Variants in TNRC6C observed in about 807,000 individuals in gnomAD.
TNRC6C encodes the protein trinucleotide repeat containing adaptor 6C.
Under a neutral mutation model 153.7 loss-of-function variants are expected in TNRC6C, and 20 were observed. That is an observed-to-expected ratio of 0.13 (90% CI 0.09 to 0.19). The LOEUF (loss-of-function observed/expected upper bound fraction) is 0.19, where lower values mean the gene tolerates loss of function less well. Ranked by LOEUF, TNRC6C falls within the 10% of genes least tolerant of loss-of-function variation. The pLI is 1.00. For synonymous variants in TNRC6C, 811 were observed against 841.4 expected (o/e 0.96, Z 0.63); for missense variants, 1,987 against 2,172.0 (o/e 0.91, Z 1.69).
chr17:77,958,398 C>G (rs753118020), upstream of TNRC6C, among the ~76,000 whole-genome samples: 7 of 152,028 alleles, frequency 4.6e-5, no homozygotes, highest in Non-Finnish European at 1.0e-4. Context: ...GTCCCGGCCA[C>G]TCGGAGCGCG....
chr17:78,078,869 G>A (rs1266240738), intron 9 of TNRC6C, among the ~76,000 whole-genome samples: 4 of 152,046 alleles, frequency 2.6e-5, no homozygotes, highest in Admixed American at 2.6e-4. Context: ...GAGGCAGGTG[G>A]ATCACAAGGT....
intron 3 of TNRC6C, among the ~76,000 whole-genome samples, chr17:78,057,714 A>G (rs145430456): frequency 4.4e-4 from 67 of 152,322 alleles, no homozygotes; most frequent in African/African-American, 1.5e-3. Flanking sequence ...CCTATGCTGA[A>G]TTTATAGAAT....
intron 3 of TNRC6C, among the ~76,000 whole-genome samples, chr17:78,051,972 T>C (rs2072546398): frequency 6.6e-6 from 1 of 151,544 alleles, no homozygotes; most frequent in Non-Finnish European, 1.5e-5. Flanking sequence ...AGGTCCAGAG[T>C]AGAGAGATTT....
chr17:78,086,467 T>C, intron 11 of TNRC6C, 36 bp from the exon 14 acceptor site: 2 of 1,585,544 alleles, frequency 1.3e-6, no homozygotes, highest in Non-Finnish European at 1.7e-6. Context: ...TTACACTTAA[T>C]TATCATACTA....
At chr17:78,082,916 C>G (rs2073209165) in intron 10 of TNRC6C, 131 bp from the exon 13 acceptor site, 1 of 1,043,902 alleles carries the variant, frequency 9.6e-7, no homozygotes, top group Non-Finnish European at 1.4e-6. Flanking sequence ...ATCTTTTATT[C>G]CATAGCAGTA....
At chr17:78,072,772 A>G (rs979490338) in intron 6 of TNRC6C, among the ~76,000 whole-genome samples, 2 of 152,252 alleles carry the variant, frequency 1.3e-5, no homozygotes, top group Non-Finnish European at 2.9e-5. Flanking sequence ...TTTTAGGAGT[A>G]CTTACAAGGT....
At chr17:78,089,557 G>A (rs1368627032) in intron 13 of TNRC6C, among the ~76,000 whole-genome samples, 1 of 152,098 alleles carries the variant, frequency 6.6e-6, no homozygotes, top group Non-Finnish European at 1.5e-5. Context: ...AGTAGTGGGG[G>A]CTCCTAGCTA....
chr17:77,959,762 G>T (rs1276044232), intron 1 of TNRC6C, among the ~76,000 whole-genome samples: 1 of 152,118 alleles, frequency 6.6e-6, no homozygotes, highest in East Asian at 1.9e-4. Flanking sequence ...TTTTCTAACG[G>T]TGCTGCGGAC....
At chr17:78,093,667 G>A in exon 16 of TNRC6C, 1 of 1,613,988 alleles carries the variant, frequency 6.2e-7, no homozygotes, top group Non-Finnish European at 8.5e-7. Flanking sequence ...TATTGACCCT[G>A]AGAATGACCC....
At chr17:78,063,714 A>G (rs1428010234) in intron 3 of TNRC6C, among the ~76,000 whole-genome samples, 1 of 152,080 alleles carries the variant, frequency 6.6e-6, no homozygotes, top group Admixed American at 6.5e-5. Flanking sequence ...AACTGTCTGC[A>G]TTTTCCAGTT....
At chr17:77,958,754 GC>G (rs2070833531), upstream of TNRC6C, among the ~76,000 whole-genome samples, 1 of 150,282 alleles carries the variant, frequency 6.7e-6, no homozygotes. Flanking sequence ...CAGCGCGACG[GC>G]CCCGGGAGCC....
Position 78,060,760 on chromosome 17 carries a change from C to T in TNRC6C, c.2396-3962C>T, listed in dbSNP as rs561694049. ...TTGGCCACCTTTTAACTAAAACTTT[C>T]CTCCCAAAAAGGACTGCCCATCACA... On this transcript the variant is annotated intron_variant, in intron 3 of 19. Coordinates refer to ENST00000301624, the Ensembl canonical transcript of TNRC6C. Among the ~76,000 whole-genome samples, 4 of 152,238 alleles carry T rather than the reference C, an allele frequency of 2.6e-5. No homozygotes were observed. The East Asian group carries it at 7.7e-4, about 29-fold the overall frequency.
At chr17:78,016,252 TTG>T (rs1249257603) in intron 1 of TNRC6C, among the ~76,000 whole-genome samples, 4 of 152,188 alleles carry the variant, frequency 2.6e-5, no homozygotes, top group African/African-American at 9.7e-5. Flanking sequence ...AAAGGAGCGA[TTG>T]GGAATGTGGC....
intron 1 of TNRC6C, among the ~76,000 whole-genome samples, chr17:77,976,650 C>T (rs1038529951): frequency 3.9e-5 from 6 of 152,134 alleles, no homozygotes; most frequent in African/African-American, 1.2e-4. Context: ...AACTTGGGGC[C>T]GGATACGGTG....
At chr17:78,010,400 T>C (rs1255597930) in intron 1 of TNRC6C, among the ~76,000 whole-genome samples, 1 of 152,210 alleles carries the variant, frequency 6.6e-6, no homozygotes, top group Non-Finnish European at 1.5e-5. Context: ...GTGCTTAGGC[T>C]CATTCTAAAC....
At position 78,048,720 on chromosome 17, in the gene TNRC6C, T is replaced by A. The variant is rs147106586; in HGVS notation, c.-218-125T>A. The A allele has an allele frequency of 9.4e-6, 9 of 961,444 alleles. No homozygotes were observed. In the South Asian group the frequency reaches 3.9e-4, roughly 42 times the overall value. The allele number at this position is 961,444 out of a possible 1,614,324, so 59.6% of individuals were successfully genotyped here. ...AATAGCTTTTTTCTTTAAGTCATTTTTTTAGTGTTTGTCATTCAGATTTGA... is the reference window on the plus strand; with the variant it reads ...AATAGCTTTTTTCTTTAAGTCATTTATTTAGTGTTTGTCATTCAGATTTGA... On this transcript the variant is annotated intron_variant, in intron 2 of 19. Transcript: ENST00000301624.
At chr17:78,038,401 C>T (rs781305979) in intron 2 of TNRC6C, among the ~76,000 whole-genome samples, 1 of 151,954 alleles carries the variant, frequency 6.6e-6, no homozygotes, top group Non-Finnish European at 1.5e-5. Context: ...TGGCTGGGTG[C>T]GGTGGCTCAC....
At chr17:78,038,917 G>A (rs959735577) in intron 2 of TNRC6C, among the ~76,000 whole-genome samples, 12 of 152,008 alleles carry the variant, frequency 7.9e-5, no homozygotes, top group South Asian at 2.1e-4. Context: ...GGCGACCAGC[G>A]AGAGTGTGGG....
Position 78,049,885 on chromosome 17 carries a change from T to C in TNRC6C, c.823T>C (p.Ser275Pro). The C allele has an allele frequency of 1.2e-6, 2 of 1,614,034 alleles. No homozygotes were observed. The highest frequency in any genetic ancestry group is 2.2e-5 in the South Asian group (2 of 91,080). ...TCAGGGGAATGGAGACACTGTGAAC[T>C]CAGCATTAAGTGCTAAACAAAATGG... Residue 275 changes from serine (S) to proline (P), a missense_variant, in exon 3 of 20, where the codon TCA (serine) becomes CCA (proline). Transcript: ENST00000301624. This position sits in a 1 kb window ranked among gnomAD's most constrained non-coding sequence, Gnocchi z 4.1.
Sources: gnomAD v4.1 joint callset for allele counts (sites outside exome capture counted in the v4.1 genomes callset) on GRCh38, gnomAD v4.1.1 for gene constraint, Gnocchi (gnomAD v3.1) non-coding constraint, MANE v1.5 for transcripts, NCBI Gene and HGNC (gene_info 2026-07-23, HGNC 2026-07-21) for gene names.